The following ALLC variants were observed in gnomAD, a reference collection of about 807,000 sequenced individuals.
ALLC encodes allantoicase.
A neutral mutation model predicts 45.0 loss-of-function variants in ALLC; 40 were observed. That is an observed-to-expected ratio of 0.89 (90% CI 0.69 to 1.16). ALLC has a LOEUF of 1.16. Among genes scored for constraint, ALLC ranks in the 50% most tolerant of loss-of-function variants. The pLI, the probability that ALLC is intolerant of heterozygous loss-of-function variation, is 0.00. For missense variants in ALLC, 488 were observed against 493.1 expected (o/e 0.99, Z 0.10); for synonymous variants, 176 against 178.1 (o/e 0.99, Z 0.09).
chr2:3,655,531 T>C (rs1299712221), upstream of ALLC, among the ~76,000 whole-genome samples: 3 of 152,188 alleles, frequency 2.0e-5, no homozygotes, highest in Non-Finnish European at 4.4e-5. Flanking sequence ...TCACAGCTCA[T>C]TGTAGCCTTG....
At chr2:3,658,745 G>A (rs1028593059) in intron 1 of ALLC, among the ~76,000 whole-genome samples, 3 of 152,024 alleles carry the variant, frequency 2.0e-5, no homozygotes, top group Non-Finnish European at 2.9e-5. Flanking sequence ...GTGCGTGCCT[G>A]TGGTCCCAGC....
chr2:3,694,407 T>C (rs1667603378), intron 7 of ALLC, among the ~76,000 whole-genome samples: 1 of 152,170 alleles, frequency 6.6e-6, no homozygotes, highest in Non-Finnish European at 1.5e-5. Flanking sequence ...AGGGACACAC[T>C]GGGTGGGAAT....
At chr2:3,645,872 C>T in the ALLC span, among the ~76,000 whole-genome samples, 551 of 151,774 alleles carry the variant, frequency 3.6e-3, 4 homozygotes, top group African/African-American at 0.013. This position sits in a 1 kb window ranked among gnomAD's most constrained non-coding sequence, Gnocchi z 4.3. Context: ...TGTTGTGGGG[C>T]GAGAGGGAGC....
At chr2:3,650,357 G>A in the ALLC span, among the ~76,000 whole-genome samples, 1 of 152,182 alleles carries the variant, frequency 6.6e-6, no homozygotes, top group African/African-American at 2.4e-5. Context: ...CCTGTCTGTG[G>A]CCGGCCACCG....
At chr2:3,679,480 A>G (rs1015282912) in intron 4 of ALLC, among the ~76,000 whole-genome samples, 1 of 152,160 alleles carries the variant, frequency 6.6e-6, no homozygotes, top group African/African-American at 2.4e-5. Context: ...TACATCGCAC[A>G]CTCAGTCTAA....
At chr2:3,650,763 C>T in the ALLC span, among the ~76,000 whole-genome samples, 2 of 152,188 alleles carry the variant, frequency 1.3e-5, no homozygotes, top group African/African-American at 2.4e-5. Context: ...GCAGTCCCCA[C>T]CCTGCAGACC....
At chr2:3,664,752 G>A (rs1372922737) in intron 1 of ALLC, among the ~76,000 whole-genome samples, 2 of 151,886 alleles carry the variant, frequency 1.3e-5, no homozygotes, top group African/African-American at 2.4e-5. Context: ...TGGTGTGGTG[G>A]TGCGCACCTG....
At chr2:3,651,426 T>TGG in the ALLC span, among the ~76,000 whole-genome samples, 1 of 58,222 alleles carries the variant, frequency 1.7e-5, no homozygotes, top group Non-Finnish European at 3.9e-5. Flanking sequence ...TGTGTGTGTG[T>TGG]GTGTGTGTGT....
At chr2:3,688,471 TC>T (rs1379609125) in intron 7 of ALLC, 1 of 189,854 alleles carries the variant, frequency 5.3e-6, no homozygotes, top group Admixed American at 6.0e-5. Flanking sequence ...CATGAGTCCC[TC>T]CATAGTGCCA....
chr2:3,674,018 T>G, intron 2 of ALLC, 57 bp from the exon 3 acceptor site: 1 of 1,300,106 alleles, frequency 7.7e-7, no homozygotes, highest in Non-Finnish European at 1.1e-6. Flanking sequence ...GGGAATGAAA[T>G]AAAATGGTAT....
intron 5 of ALLC, among the ~76,000 whole-genome samples, chr2:3,681,351 G>A (rs1232905552): frequency 6.6e-6 from 1 of 152,130 alleles, no homozygotes; most frequent in Non-Finnish European, 1.5e-5. Context: ...AAACTCTAGC[G>A]ATGTGATAAA....
At chr2:3,651,421 G>GCA in the ALLC span, among the ~76,000 whole-genome samples, 13 of 57,058 alleles carry the variant, frequency 2.3e-4, no homozygotes, top group South Asian at 9.0e-4. Flanking sequence ...GTGTGTGTGT[G>GCA]TGTGTGTGTG....
chr2:3,682,999 C>A lies in ALLC; in HGVS notation c.436C>A (p.Pro146Thr). Residue 146 changes from proline to threonine, a missense_variant, in exon 7 of 12, where the codon CCT becomes ACT. Physicochemically the swap from Pro to Thr is conservative, Grantham distance 38. Coordinates refer to ENST00000252505, the MANE Select transcript of ALLC (RefSeq NM_018436.4). ...CATGACTGAGCTTAAGCCAGGAAAC[C>A]CTGCTTCCGGCCACAACTATTTTCT... ...VPMTELKPGN[P>T]ASGHNYFLVN... 6.2e-7 allele frequency: 1 copy of A among 1,613,974 alleles called. No homozygotes were observed. Among genetic ancestry groups the A allele is most frequent in the Non-Finnish European group, 8.5e-7 (1 of 1,179,872 alleles).
At chr2:3,649,529 C>T in the ALLC span, among the ~76,000 whole-genome samples, 1 of 152,222 alleles carries the variant, frequency 6.6e-6, no homozygotes, top group Non-Finnish European at 1.5e-5. Context: ...GCGTGAGCCA[C>T]CGCGCCCGGC....
At chr2:3,696,124 G>A in intron 8 of ALLC, 151 bp from the exon 9 acceptor site, 1 of 855,478 alleles carries the variant, frequency 1.2e-6, no homozygotes, top group Non-Finnish European at 1.7e-6. Context: ...CCCTATGATT[G>A]TTTGTGAATT....
At chr2:3,682,074 GA>G (rs1000980108) in intron 6 of ALLC, among the ~76,000 whole-genome samples, 101 of 151,988 alleles carry the variant, frequency 6.6e-4, no homozygotes, top group Middle Eastern at 3.4e-3. Context: ...AGAAACGGGG[GA>G]AAAAAATAAA....
chr2:3,696,410 T>C (rs1667674771), intron 9 of ALLC, 62 bp downstream of exon 9: 2 of 1,411,966 alleles, frequency 1.4e-6, no homozygotes, highest in African/African-American at 2.9e-5. Context: ...TGGAACTTTT[T>C]CTTTTAAATA....
intron 3 of ALLC, among the ~76,000 whole-genome samples, chr2:3,676,627 C>T (rs930416227): frequency 1.3e-5 from 2 of 152,172 alleles, no homozygotes; most frequent in Non-Finnish European, 2.9e-5. Flanking sequence ...TCTTAGCTGC[C>T]GAATAATAAC....
At chr2:3,665,367 G>A (rs1169519096) in intron 1 of ALLC, among the ~76,000 whole-genome samples, 16 of 151,792 alleles carry the variant, frequency 1.1e-4, no homozygotes, top group Admixed American at 5.9e-4. Context: ...TGTTTGCTAC[G>A]TAGGTAAACG....
Sources: allele counts gnomAD v4.1 joint callset (sites outside exome capture counted in the v4.1 genomes callset), GRCh38; gene constraint gnomAD v4.1.1; non-coding constraint Gnocchi (gnomAD v3.1); transcripts MANE v1.5; gene names NCBI Gene and HGNC (gene_info 2026-07-23, HGNC 2026-07-21).